The following DPP10 variants were observed in gnomAD, a reference collection of about 807,000 sequenced individuals.
DPP10 encodes dipeptidyl peptidase like 10, also known as inactive dipeptidyl peptidase 10.
DPP10 carries 33 observed loss-of-function variants against 120.9 expected under a neutral mutation model. The ratio of observed to expected loss-of-function variants is 0.27; its 90% CI spans 0.21 to 0.37. The LOEUF (loss-of-function observed/expected upper bound fraction) is 0.37. Ranked by LOEUF, DPP10 falls within the 10% of genes least tolerant of loss-of-function variation. The probability of loss-of-function intolerance (pLI) is 1.00; values close to 1 mark genes in which losing one functional copy is unlikely to be tolerated. For missense variants in DPP10, 816 were observed against 942.8 expected (o/e 0.87, Z 1.76); for synonymous variants, 337 against 326.1 (o/e 1.03, Z -0.36).
At chr2:115,489,374 G>A (rs535673320) in intron 3 of DPP10, among the ~76,000 whole-genome samples, 18 of 151,720 alleles carry the variant, frequency 1.2e-4, no homozygotes, top group Non-Finnish European at 2.1e-4. Context: ...TGGCCAAGAG[G>A]ACCCCAGAAA....
chr2:115,358,266 G>A (rs1262261056), intron 3 of DPP10, among the ~76,000 whole-genome samples: 1 of 152,096 alleles, frequency 6.6e-6, no homozygotes, highest in Non-Finnish European at 1.5e-5. Context: ...TGCCAGATAT[G>A]CTAAATTGTC....
At chr2:114,734,907 A>C (rs1329373147) in intron 1 of DPP10, among the ~76,000 whole-genome samples, 1 of 152,178 alleles carries the variant, frequency 6.6e-6, no homozygotes, top group Non-Finnish European at 1.5e-5. Flanking sequence ...GAAGTCCAAG[A>C]CCAAGGTGTT....
At chr2:114,623,261 A>G (rs774645838) in intron 1 of DPP10, among the ~76,000 whole-genome samples, 5 of 152,134 alleles carry the variant, frequency 3.3e-5, no homozygotes, top group African/African-American at 4.8e-5. Flanking sequence ...AAGAAAGATA[A>G]ATATAATTGT....
intron 1 of DPP10, among the ~76,000 whole-genome samples, chr2:115,109,006 A>C (rs950573430): frequency 6.7e-6 from 1 of 149,744 alleles, no homozygotes; most frequent in Non-Finnish European, 1.5e-5. Context: ...AAAAATCCTG[A>C]ATTTATGTCA....
chr2:114,975,042 CT>C (rs757024790), intron 1 of DPP10, among the ~76,000 whole-genome samples: 2,538 of 140,966 alleles, frequency 0.018, 50 homozygotes, highest in African/African-American at 0.056. Flanking sequence ...GAAGGATTTG[CT>C]TTTTTTTTTT....
At chr2:115,245,432 A>AC (rs940130571) in intron 1 of DPP10, among the ~76,000 whole-genome samples, 2 of 152,094 alleles carry the variant, frequency 1.3e-5, no homozygotes, top group African/African-American at 4.8e-5. Context: ...ATGAGATACC[A>AC]CCTTACTCTT....
chr2:115,246,725 T>C (rs2058550582), intron 1 of DPP10, among the ~76,000 whole-genome samples: 1 of 152,134 alleles, frequency 6.6e-6, no homozygotes, highest in Non-Finnish European at 1.5e-5. Context: ...ACTTGGGAAC[T>C]AGATTTGAAC....
intron 1 of DPP10, among the ~76,000 whole-genome samples, chr2:114,590,080 G>GTATGTGCA (rs2105151259): frequency 6.6e-6 from 1 of 152,066 alleles, no homozygotes; most frequent in Non-Finnish European, 1.5e-5. Flanking sequence ...AGAAAAAAAT[G>GTATGTGCA]TATGTGCATA....
intron 1 of DPP10, among the ~76,000 whole-genome samples, chr2:114,768,247 C>G (rs940864121): frequency 1.3e-5 from 2 of 150,272 alleles, no homozygotes; most frequent in African/African-American, 4.9e-5. Flanking sequence ...GATTGTATCA[C>G]AAAAGACTTC....
At chr2:115,632,636 A>G (rs1029643266) in intron 5 of DPP10, among the ~76,000 whole-genome samples, 4 of 152,176 alleles carry the variant, frequency 2.6e-5, no homozygotes, top group African/African-American at 9.7e-5. Flanking sequence ...CTGGGTTGGA[A>G]ATTCTTTTCT....
At chr2:114,581,798 G>T (rs983261574) in intron 1 of DPP10, among the ~76,000 whole-genome samples, 3 of 152,028 alleles carry the variant, frequency 2.0e-5, no homozygotes, top group African/African-American at 7.2e-5. Flanking sequence ...TTAAAACTTA[G>T]ACAAGTTTTT....
At chr2:115,465,621 A>G (rs2074281559) in intron 3 of DPP10, among the ~76,000 whole-genome samples, 1 of 152,134 alleles carries the variant, frequency 6.6e-6, no homozygotes, top group African/African-American at 2.4e-5. Flanking sequence ...TCAGGAGTTC[A>G]TGAACAGCCT....
intron 1 of DPP10, among the ~76,000 whole-genome samples, chr2:115,128,424 C>T (rs1483584369): frequency 6.6e-6 from 1 of 152,148 alleles, no homozygotes; most frequent in African/African-American, 2.4e-5. Flanking sequence ...TGCACTTAAA[C>T]CAACTGTAGC....
At chr2:115,432,378 A>G (rs1042329009) in intron 3 of DPP10, among the ~76,000 whole-genome samples, 4 of 152,070 alleles carry the variant, frequency 2.6e-5, no homozygotes, top group African/African-American at 9.7e-5. Context: ...ATATTCATGA[A>G]TAGAAAGAGT....
intron 1 of DPP10, among the ~76,000 whole-genome samples, chr2:114,540,916 C>T (rs1467155843): frequency 6.6e-6 from 1 of 152,180 alleles, no homozygotes; most frequent in African/African-American, 2.4e-5. Context: ...CAGAAATATA[C>T]TCGTAAAACT....
At chr2:115,377,061 A>G (rs902195010) in intron 3 of DPP10, among the ~76,000 whole-genome samples, 2 of 151,694 alleles carry the variant, frequency 1.3e-5, no homozygotes, top group African/African-American at 4.8e-5. Flanking sequence ...CTTTGGGTAT[A>G]TACCCAGTAA....
At chr2:115,386,800 A>G (rs928553353) in intron 3 of DPP10, among the ~76,000 whole-genome samples, 11 of 152,074 alleles carry the variant, frequency 7.2e-5, no homozygotes, top group African/African-American at 2.7e-4. Context: ...CCAAAGTGGC[A>G]TATTTCGGGG....
intron 1 of DPP10, among the ~76,000 whole-genome samples, chr2:114,747,020 C>T (rs1678643010): frequency 6.6e-6 from 1 of 152,136 alleles, no homozygotes; most frequent in South Asian, 2.1e-4. Context: ...TCTTAGAATA[C>T]TCTCTAAATA....
chr2:114,574,325 T>C (rs1181851260), intron 1 of DPP10, among the ~76,000 whole-genome samples: 2 of 152,006 alleles, frequency 1.3e-5, no homozygotes, highest in African/African-American at 4.8e-5. Flanking sequence ...GAGCAAAATC[T>C]CCCTCTCTAG....
Sources: gnomAD v4.1 joint callset for allele counts (sites outside exome capture counted in the v4.1 genomes callset) on GRCh38, gnomAD v4.1.1 for gene constraint, MANE v1.5 for transcripts, NCBI Gene and HGNC (gene_info 2026-07-23, HGNC 2026-07-21) for gene names.